Variants in SPMAP2L observed in about 807,000 individuals in gnomAD.
SPMAP2L encodes the protein sperm microtubule associated protein 2-like.
chr4:56,575,370 C>T, the SPMAP2L span: 1 of 1,043,210 alleles, frequency 9.6e-7, no homozygotes, highest in Non-Finnish European at 1.3e-6. Flanking sequence ...AATTTCTCCT[C>T]ACATGGAAAA....
the SPMAP2L span, chr4:56,531,028 C>T: frequency 6.5e-7 from 1 of 1,535,342 alleles, no homozygotes; most frequent in Non-Finnish European, 8.7e-7. Flanking sequence ...GGCCCGTGAA[C>T]CCCGCCAGCT....
At chr4:56,620,737 T>C in the SPMAP2L span, among the ~76,000 whole-genome samples, 47 of 152,250 alleles carry the variant, frequency 3.1e-4, 2 homozygotes, top group Non-Finnish European at 1.5e-5. Flanking sequence ...AGCTGAAGGC[T>C]GCATGCATTC....
At chr4:56,564,507 A>G in the SPMAP2L span, among the ~76,000 whole-genome samples, 7 of 151,956 alleles carry the variant, frequency 4.6e-5, no homozygotes, top group African/African-American at 9.7e-5. Flanking sequence ...CTTACGTTTG[A>G]TATCTATCCA....
At chr4:56,535,359 A>G in the SPMAP2L span, among the ~76,000 whole-genome samples, 2 of 152,188 alleles carry the variant, frequency 1.3e-5, no homozygotes, top group Admixed American at 6.5e-5. Flanking sequence ...CCTGGTCGTT[A>G]AAGATCGACC....
the SPMAP2L span, chr4:56,603,358 G>T: frequency 6.8e-7 from 1 of 1,471,084 alleles, no homozygotes; most frequent in Non-Finnish European, 9.2e-7. Flanking sequence ...CCCTGGTTAT[G>T]TATCTAGAAC....
the SPMAP2L span, among the ~76,000 whole-genome samples, chr4:56,621,364 C>A: frequency 1.3e-5 from 2 of 152,108 alleles, no homozygotes; most frequent in South Asian, 4.1e-4. Context: ...AAAACTTGTT[C>A]TTTGAAGAAA....
the SPMAP2L span, among the ~76,000 whole-genome samples, chr4:56,565,779 C>A: frequency 6.6e-6 from 1 of 152,128 alleles, no homozygotes; most frequent in African/African-American, 2.4e-5. Context: ...AATTCAAAAT[C>A]TGAAACACTT....
chr4:56,616,207 G>C, the SPMAP2L span, among the ~76,000 whole-genome samples: 1 of 152,172 alleles, frequency 6.6e-6, no homozygotes, highest in Admixed American at 6.5e-5. Flanking sequence ...TTTCTTCTGA[G>C]ATCTCTGTCC....
chr4:56,530,660 A>G, the SPMAP2L span: 3 of 1,530,510 alleles, frequency 2.0e-6, no homozygotes, highest in South Asian at 1.2e-5. Context: ...CGCGCGCGAC[A>G]GAAGCTTCTG....
chr4:56,604,472 A>G, the SPMAP2L span, among the ~76,000 whole-genome samples: 1 of 152,150 alleles, frequency 6.6e-6, no homozygotes, highest in African/African-American at 2.4e-5. Context: ...AGCCTGACCA[A>G]CATGGTGAAA....
the SPMAP2L span, among the ~76,000 whole-genome samples, chr4:56,602,329 G>C: frequency 2.0e-5 from 3 of 152,132 alleles, no homozygotes; most frequent in African/African-American, 7.2e-5. Flanking sequence ...TGTTTAAAAT[G>C]CTGTAATGTG....
the SPMAP2L span, among the ~76,000 whole-genome samples, chr4:56,549,310 T>TC: frequency 6.6e-6 from 1 of 152,104 alleles, no homozygotes; most frequent in East Asian, 1.9e-4. Flanking sequence ...ATTCACTTAG[T>TC]TTTTTACTTG....
the SPMAP2L span, among the ~76,000 whole-genome samples, chr4:56,624,800 G>A: frequency 6.6e-6 from 1 of 152,224 alleles, no homozygotes; most frequent in East Asian, 1.9e-4. Context: ...GCAAAAGTTT[G>A]CTGCAGGGCG....
At chr4:56,590,893 T>C in the SPMAP2L span, among the ~76,000 whole-genome samples, 3 of 152,042 alleles carry the variant, frequency 2.0e-5, no homozygotes, top group African/African-American at 7.2e-5. Context: ...TAGTACTTTG[T>C]TGTGTCGTAC....
the SPMAP2L span, among the ~76,000 whole-genome samples, chr4:56,618,554 A>G: frequency 2.0e-5 from 3 of 152,180 alleles, no homozygotes; most frequent in South Asian, 6.2e-4. Context: ...AGTGCCAAGC[A>G]AAAAAAGAAA....
At chr4:56,613,744 A>G in the SPMAP2L span, among the ~76,000 whole-genome samples, 6 of 152,244 alleles carry the variant, frequency 3.9e-5, no homozygotes, top group African/African-American at 1.4e-4. Context: ...TGATGGGGAA[A>G]GAACAAGTGA....
the SPMAP2L span, among the ~76,000 whole-genome samples, chr4:56,547,300 C>A: frequency 6.8e-6 from 1 of 146,736 alleles, no homozygotes; most frequent in Non-Finnish European, 1.5e-5. Context: ...GGCTGAAGTG[C>A]GGTGGTGCAA....
chr4:56,601,389 T>TGGGA, the SPMAP2L span, among the ~76,000 whole-genome samples: 1 of 151,868 alleles, frequency 6.6e-6, no homozygotes, highest in Admixed American at 6.6e-5. Context: ...GAGACCAAGG[T>TGGGA]GGGAGGATAG....
chr4:56,552,543 TGTTA>T, the SPMAP2L span: 1 of 1,474,026 alleles, frequency 6.8e-7, no homozygotes. Context: ...AGCTGCTATT[TGTTA>T]GTTTTTCTTC....
Sources: allele counts gnomAD v4.1 joint callset (sites outside exome capture counted in the v4.1 genomes callset), GRCh38; gene constraint gnomAD v4.1.1; transcripts MANE v1.5; gene names NCBI Gene and HGNC (gene_info 2026-07-23, HGNC 2026-07-21).